Variants in FBN1 observed in about 807,000 individuals in gnomAD.
FBN1 encodes fibrillin 1.
In FBN1, 29 loss-of-function variants were observed where a neutral mutation model predicts 365.1. The observed-to-expected ratio is 0.08, with a 90% confidence interval of 0.06 to 0.11. FBN1 has a LOEUF of 0.11. Ranked by LOEUF, FBN1 falls within the 10% of genes least tolerant of loss-of-function variation. The pLI, the probability that FBN1 is intolerant of heterozygous loss-of-function variation, is 1.00. For missense variants in FBN1, 2,476 were observed against 3,703.2 expected, an observed-to-expected ratio of 0.67 and a Z score of 8.60; for synonymous variants, 1,210 against 1,270.5, an observed-to-expected ratio of 0.95 and a Z score of 1.01.
At chr15:48,431,960 G>A (rs917280382) in intron 55 of FBN1, among the ~76,000 whole-genome samples, 1 of 152,038 alleles carries the variant, frequency 6.6e-6, no homozygotes, top group African/African-American at 2.4e-5. Context: ...TGGCCAATAT[G>A]ACATTATTTT....
At chr15:48,474,803 A>G (rs1043887411) in intron 32 of FBN1, among the ~76,000 whole-genome samples, 153 bp from the exon 33 acceptor site, 1 of 152,252 alleles carries the variant, frequency 6.6e-6, no homozygotes, top group Non-Finnish European at 1.5e-5. Context: ...ACATATATCA[A>G]ACAGCTTTAA....
intron 32 of FBN1, among the ~76,000 whole-genome samples, chr15:48,476,077 T>C (rs1597554969): frequency 6.6e-6 from 1 of 152,152 alleles, no homozygotes; most frequent in African/African-American, 2.4e-5. Flanking sequence ...AGCTAAATAA[T>C]TGAGCATGGC....
At chr15:48,575,319 A>G (rs867350554) in intron 6 of FBN1, among the ~76,000 whole-genome samples, 1 of 149,976 alleles carries the variant, frequency 6.7e-6, no homozygotes, top group African/African-American at 2.4e-5. Flanking sequence ...ATGTATTTAC[A>G]TATGTATGTA....
intron 55 of FBN1, among the ~76,000 whole-genome samples, chr15:48,432,217 AT>A (rs2043027873): frequency 6.6e-6 from 1 of 152,200 alleles, no homozygotes; most frequent in African/African-American, 2.4e-5. Flanking sequence ...CATTTAGGAA[AT>A]TTCCCCACCC....
intron 54 of FBN1, 138 bp downstream of exon 54, chr15:48,434,456 A>C: frequency 9.6e-7 from 1 of 1,045,960 alleles, no homozygotes; most frequent in South Asian, 1.3e-5. Context: ...CAAAAGAAGA[A>C]TGATCAAATG....
rs747519215 is a variant in FBN1, at chr15:48,516,358, A to C, written c.1152T>G (p.Asp384Glu). Residue 384 changes from aspartate to glutamate, a missense_variant, in exon 11 of 66, where the codon GAT becomes GAG. By Grantham distance (45) the Asp-to-Glu change is conservative (BLOSUM62 2). Transcript: ENST00000316623. ...TAGGAACAGAGCACAGCTTGTTGAA[A>C]TCCTCTAGAAAAACACAACAAAACA... ...PEMCPIRATE[D>E]FNKLCSVPMV... The C allele has an allele frequency of 1.2e-6, 2 of 1,613,474 alleles. No individual in the cohort carries two copies. Among genetic ancestry groups the C allele is most frequent in the Non-Finnish European group, 1.7e-6 (2 of 1,179,858 alleles).
At chr15:48,522,172 G>C (rs1023547433) in intron 9 of FBN1, among the ~76,000 whole-genome samples, 7 of 152,152 alleles carry the variant, frequency 4.6e-5, no homozygotes, top group African/African-American at 1.4e-4. Context: ...CCATCTAATT[G>C]CAGGAAAACA....
At chr15:48,509,621 A>G (rs2043742141) in intron 14 of FBN1, among the ~76,000 whole-genome samples, 1 of 150,420 alleles carries the variant, frequency 6.6e-6, no homozygotes, top group South Asian at 2.1e-4. Flanking sequence ...GTATTTTTAC[A>G]TTATATCTAT....
intron 36 of FBN1, among the ~76,000 whole-genome samples, chr15:48,469,128 A>G (rs2043349516): frequency 7.6e-6 from 1 of 131,426 alleles, no homozygotes; most frequent in East Asian, 2.4e-4. Context: ...TATATAAAAT[A>G]TAATATATAT....
chr15:48,539,057 C>T (rs951352108), intron 6 of FBN1, among the ~76,000 whole-genome samples: 1 of 152,162 alleles, frequency 6.6e-6, no homozygotes, highest in Non-Finnish European at 1.5e-5. Flanking sequence ...CATTCTGGAT[C>T]GTAACAATGT....
At position 48,598,404 on chromosome 15, in the gene FBN1, T is replaced by C. The variant is rs569349129; in HGVS notation, c.442+1735A>G. Among the ~76,000 whole-genome samples the C allele has an allele frequency of 2.0e-5, 3 of 152,362 alleles. No homozygotes were observed. The East Asian group carries it at 5.8e-4, about 29-fold the overall frequency. ...AGAGTAACTGAAAAGATGTAGGTTA[T>C]TGATGTTGTTAGTGTTGTTTATTGT... is the stretch of plus-strand genomic sequence containing the variant. On this transcript the variant is annotated intron_variant, in intron 5 of 65. Transcript: ENST00000316623.
At position 48,596,290 on chromosome 15, in the gene FBN1, A is replaced by G; in HGVS notation, c.531T>C (p.Cys177=). The change falls in exon 6 of 66, where the codon TGT becomes TGC. Residue 177 remains cysteine, a synonymous_variant. Transcript: ENST00000316623. ...ACTYGFTGPQ[C]ERDYRTGPCF... is the part of the protein sequence containing the mutation. Reference sequence around the variant, plus strand: ...GATTTTAAAAACCATTACCTCTTTCACACTGGGGTCCAGTAAATCCGTAAG... The same window carrying G: ...GATTTTAAAAACCATTACCTCTTTCGCACTGGGGTCCAGTAAATCCGTAAG... 1 of 1,613,808 alleles carries G rather than the reference A, an allele frequency of 6.2e-7. No homozygotes were observed. Among genetic ancestry groups the G allele is most frequent in the Non-Finnish European group, 8.5e-7 (1 of 1,179,736 alleles).
chr15:48,424,196 T>C (rs1023398620), intron 60 of FBN1, among the ~76,000 whole-genome samples: 1 of 152,246 alleles, frequency 6.6e-6, no homozygotes, highest in African/African-American at 2.4e-5. Flanking sequence ...TTAAGATGTT[T>C]AGAATGTGTA....
In FBN1 at chr15:48,610,711, T is replaced by G; in HGVS notation, c.346+17A>C. The G allele has an allele frequency of 5.1e-6, 8 of 1,568,438 alleles. No individual in the cohort carries two copies. Among genetic ancestry groups the G allele is most frequent in the Non-Finnish European group, 7.0e-6 (8 of 1,139,002 alleles). ...CCACATAAAATAATATTATATATAA[T>G]GACATGTTAGACTTACTGGATCTGG... On this transcript the variant is annotated intron_variant, in intron 4 of 65. Coordinates refer to ENST00000316623, the MANE Select transcript of FBN1 (RefSeq NM_000138.5).
At chr15:48,605,011 C>G (rs941383911) in intron 4 of FBN1, among the ~76,000 whole-genome samples, 1 of 152,176 alleles carries the variant, frequency 6.6e-6, no homozygotes, top group African/African-American at 2.4e-5. Flanking sequence ...CCTGCTGACA[C>G]TCTCATTGAA....
chr15:48,631,888 G>A (rs1341267814), intron 2 of FBN1, among the ~76,000 whole-genome samples: 1 of 152,116 alleles, frequency 6.6e-6, no homozygotes, highest in Non-Finnish European at 1.5e-5. Context: ...CAAAGAGAAT[G>A]GTTTTCAACC....
intron 8 of FBN1, among the ~76,000 whole-genome samples, chr15:48,533,837 A>G (rs781380447): frequency 6.6e-6 from 1 of 152,190 alleles, no homozygotes; most frequent in Non-Finnish European, 1.5e-5. Flanking sequence ...CATGTTTTTA[A>G]TATTTAATTT....
At chr15:48,436,858 T>C in intron 53 of FBN1, 103 bp downstream of exon 53, 2 of 810,508 alleles carry the variant, frequency 2.5e-6, no homozygotes, top group Non-Finnish European at 4.4e-6. Flanking sequence ...ATAAAACTTA[T>C]TTCAGTGCCA....
intron 12 of FBN1, among the ~76,000 whole-genome samples, chr15:48,513,891 T>A (rs537396176): frequency 6.6e-6 from 1 of 152,268 alleles, no homozygotes; most frequent in African/African-American, 2.4e-5. Context: ...CAGAGAAAAA[T>A]TCCAAACATG....
Sources: allele counts gnomAD v4.1 joint callset (sites outside exome capture counted in the v4.1 genomes callset), GRCh38; gene constraint gnomAD v4.1.1; transcripts MANE v1.5; gene names NCBI Gene and HGNC (gene_info 2026-07-23, HGNC 2026-07-21).